PDE6A: variants seen among roughly 807,000 people sequenced by gnomAD.
PDE6A encodes phosphodiesterase 6A.
Under a neutral mutation model 106.3 loss-of-function variants are expected in PDE6A, and 84 were observed. The ratio of observed to expected loss-of-function variants is 0.79; its 90% CI spans 0.66 to 0.95. PDE6A has a LOEUF of 0.95. PDE6A is among the 40% of genes least tolerant of loss of function. The probability of loss-of-function intolerance (pLI) is 0.00; values close to 1 mark genes in which losing one functional copy is unlikely to be tolerated. For missense variants in PDE6A, 1,052 were observed against 1,084.9 expected (o/e 0.97, Z 0.43); for synonymous variants, 394 against 386.6 (o/e 1.02, Z -0.23).
At chr5:149,889,974 G>A (rs944330102) in intron 13 of PDE6A, among the ~76,000 whole-genome samples, 1 of 66,084 alleles carries the variant, frequency 1.5e-5, no homozygotes, top group African/African-American at 6.0e-5. Context: ...TTTTTTTTTT[G>A]AGACAGAGTC....
At chr5:149,872,452 C>T (rs1254003750) in intron 17 of PDE6A, among the ~76,000 whole-genome samples, 2 of 152,154 alleles carry the variant, frequency 1.3e-5, no homozygotes, top group Admixed American at 6.5e-5. Context: ...GGGTCACCCT[C>T]GTGTGTAGAG....
intron 6 of PDE6A, among the ~76,000 whole-genome samples, chr5:149,907,620 GAGAC>G (rs1753241596): frequency 6.6e-6 from 1 of 152,144 alleles, no homozygotes; most frequent in South Asian, 2.1e-4. Context: ...TCTGAGAAAA[GAGAC>G]AGCATTCATT....
intron 3 of PDE6A, chr5:149,932,108 C>T: frequency 7.7e-7 from 1 of 1,304,752 alleles, no homozygotes; most frequent in South Asian, 1.2e-5. Flanking sequence ...TCTCCTCGTC[C>T]GGAAGTTGTA....
rs752457116 is a variant in PDE6A at position 149,899,511 on chromosome 5, T to G, written c.1127A>C (p.Asp376Ala). 11 of 1,614,040 alleles carry G rather than the reference T, an allele frequency of 6.8e-6. No homozygotes were observed. In the Admixed American group the frequency reaches 1.0e-4, roughly 15 times the overall value. ...DFFAFQKEPL[D>A]ESGWMIKNVL... ...ATTTTTAATCATCCATCCAGACTCA[T>G]CCAGAGGTTCTTTCTACAAGAGAAG... The change falls in exon 9 of 22, where the codon GAT (aspartate) becomes GCT (alanine). Residue 376 changes from aspartate (D) to alanine (A), a missense_variant. Coordinates refer to ENST00000255266, the MANE Select transcript of PDE6A (RefSeq NM_000440.3).
chr5:149,913,210 C>T (rs1425800302), intron 6 of PDE6A, among the ~76,000 whole-genome samples: 3 of 151,966 alleles, frequency 2.0e-5, no homozygotes, highest in African/African-American at 7.2e-5. Flanking sequence ...GGCGAAACCC[C>T]ATCTCTACTA....
intron 5 of PDE6A, among the ~76,000 whole-genome samples, chr5:149,919,437 G>A: frequency 6.6e-6 from 1 of 152,186 alleles, no homozygotes; most frequent in East Asian, 1.9e-4. Flanking sequence ...GAGCCCAGGA[G>A]GCGGAGGTTG....
At chr5:149,895,966 C>T (rs923298628) in intron 12 of PDE6A, among the ~76,000 whole-genome samples, 4 of 152,184 alleles carry the variant, frequency 2.6e-5, no homozygotes, top group Admixed American at 2.6e-4. Context: ...TCTCTGCCGT[C>T]CCCCATGACC....
In PDE6A at chr5:149,895,236, G is replaced by A. The variant is rs1561727213; in HGVS notation, c.1675C>T (p.His559Tyr). ...LSKGYRKITYHNWRHGFNVGQ... is the reference protein window; with the variant it reads ...LSKGYRKITYYNWRHGFNVGQ... ...ACGTTGAAGCCGTGCCGCCAGTTGT[G>A]GTAGGTGATCTTGCGGTAGCCCTTA... Residue 559 changes from histidine to tyrosine, a missense_variant, in exon 13 of 22, where the codon CAC becomes TAC. Around this residue, in one of 3 missense-constraint regions of PDE6A, gnomAD observed 913 missense variants for 915.2 expected, o/e 1.00. Coordinates refer to ENST00000255266, the MANE Select transcript of PDE6A (RefSeq NM_000440.3). The A allele has an allele frequency of 1.2e-6, 2 of 1,614,124 alleles. No individual in the cohort carries two copies. Among genetic ancestry groups the A allele is most frequent in the Non-Finnish European group, 1.7e-6 (2 of 1,179,980 alleles).
chr5:149,870,792 A>C (rs62383790), intron 17 of PDE6A, among the ~76,000 whole-genome samples: 2 of 147,098 alleles, frequency 1.4e-5, no homozygotes, highest in Non-Finnish European at 3.0e-5. Context: ...AAAAAAAAAA[A>C]CTGTCATCAC....
chr5:149,887,792 A>G (rs903590508), intron 13 of PDE6A, among the ~76,000 whole-genome samples: 1 of 151,982 alleles, frequency 6.6e-6, no homozygotes. Context: ...CATCATGAGA[A>G]CATCTTATCA....
chr5:149,906,519 C>CAAAA (rs560905491), intron 7 of PDE6A, among the ~76,000 whole-genome samples: 1,431 of 54,198 alleles, frequency 0.026, 125 homozygotes, highest in African/African-American at 0.082. Flanking sequence ...GAGACACTGT[C>CAAAA]AAAAAAAAAA....
At chr5:149,872,165 T>G (rs945742397) in intron 17 of PDE6A, among the ~76,000 whole-genome samples, 2 of 152,180 alleles carry the variant, frequency 1.3e-5, no homozygotes, top group African/African-American at 4.8e-5. Context: ...GAATTAGACC[T>G]TCCATCTCCT....
intron 8 of PDE6A, among the ~76,000 whole-genome samples, chr5:149,903,308 A>T (rs1432343272): frequency 6.7e-6 from 1 of 149,936 alleles, no homozygotes; most frequent in East Asian, 1.9e-4. Flanking sequence ...TCTTGTATAC[A>T]ATATTGTATA....
At position 149,934,684 on chromosome 5, in the gene PDE6A, G is replaced by T. The variant is rs767680793; in HGVS notation, c.509C>A (p.Thr170Lys). The T allele has an allele frequency of 1.9e-6, 3 of 1,613,920 alleles. No individual in the cohort carries two copies. The highest frequency in any genetic ancestry group is 2.5e-6 in the Non-Finnish European group (3 of 1,180,010). Residue 170 changes from threonine to lysine, a missense_variant, in exon 2 of 22, where the codon ACA (threonine) becomes AAA (lysine). Physicochemically the swap from Thr to Lys is moderately conservative, Grantham distance 78 (BLOSUM62 -1). This residue lies in a region of PDE6A where 913 missense variants were observed against 915.2 expected (regional missense o/e 1.00). Transcript: ENST00000255266. ...EHFCDFVDIL[T>K]EYKTKNILAS... Reference sequence around the variant, plus strand: ...CAAGATGTTCTTGGTCTTGTACTCTGTGAGGATGTCCACAAAGTCACAGAA... The same window carrying T: ...CAAGATGTTCTTGGTCTTGTACTCTTTGAGGATGTCCACAAAGTCACAGAA...
rs778351337 is a variant in PDE6A, at chr5:149,898,495, T to A, written c.1275A>T (p.Gln425His). 27 of 1,613,398 alleles carry A rather than the reference T, an allele frequency of 1.7e-5. No individual in the cohort carries two copies. Among genetic ancestry groups the A allele is most frequent in the Non-Finnish European group, 2.2e-5 (26 of 1,179,980 alleles). ...GATTTAAGACAGACCAGCCCAGAAA[T>A]TGAGTCAAAGACTGAAAAAGAAAGA... ...MDETLMESLT[Q>H]FLGWSVLNPD... The change falls in exon 10 of 22, where the codon CAA becomes CAT. Residue 425 changes from glutamine to histidine, a missense_variant. Physicochemically the swap from Gln to His is conservative, Grantham distance 24. Coordinates refer to ENST00000255266, the MANE Select transcript of PDE6A (RefSeq NM_000440.3).
chr5:149,943,276 T>G (rs538991821), intron 1 of PDE6A, among the ~76,000 whole-genome samples: 1 of 152,366 alleles, frequency 6.6e-6, no homozygotes, highest in Non-Finnish European at 1.5e-5. Context: ...TGCACAGCCC[T>G]AAATCCATTA....
intron 1 of PDE6A, among the ~76,000 whole-genome samples, chr5:149,937,604 C>T (rs1218282898): frequency 6.6e-6 from 1 of 152,118 alleles, no homozygotes; most frequent in African/African-American, 2.4e-5. Context: ...TCCTGAACAC[C>T]TGGGCTCAAG....
At chr5:149,896,250 T>A in intron 12 of PDE6A, 106 bp downstream of exon 12, 1 of 913,444 alleles carries the variant, frequency 1.1e-6, no homozygotes, top group Non-Finnish European at 1.7e-6. Context: ...TCCTAAATAC[T>A]GAGAGTAAAC....
At chr5:149,869,327 A>T (rs1269981675) in intron 17 of PDE6A, among the ~76,000 whole-genome samples, 7 of 121,534 alleles carry the variant, frequency 5.8e-5, no homozygotes, top group Non-Finnish European at 1.1e-4. Context: ...GAGACTCCAT[A>T]TCAAAAAAAA....
Sources: allele counts gnomAD v4.1 joint callset (sites outside exome capture counted in the v4.1 genomes callset), GRCh38; gene constraint gnomAD v4.1.1; regional missense constraint gnomAD v4.1.1; transcripts MANE v1.5; gene names NCBI Gene and HGNC (gene_info 2026-07-23, HGNC 2026-07-21).